The following NELL1 variants were observed in gnomAD, a reference collection of about 807,000 sequenced individuals.
The protein encoded by NELL1 is neural EGFL like 1, also known as protein kinase C-binding protein NELL1.
NELL1 carries 76 observed loss-of-function variants against 107.4 expected under a neutral mutation model. That is an observed-to-expected ratio of 0.71 (90% CI 0.59 to 0.86). The LOEUF is 0.86. Among genes scored for constraint, NELL1 ranks in the 40% least tolerant of loss-of-function variants. The pLI, the probability that NELL1 is intolerant of heterozygous loss-of-function variation, is 0.00. For synonymous variants in NELL1, 353 were observed against 341.2 expected, an observed-to-expected ratio of 1.03 and a Z score of -0.38; for missense variants, 1,024 against 1,005.5, an observed-to-expected ratio of 1.02 and a Z score of -0.25.
chr11:21,269,713 A>G (rs1417056933), intron 14 of NELL1, among the ~76,000 whole-genome samples: 3 of 152,288 alleles, frequency 2.0e-5, no homozygotes, highest in African/African-American at 4.8e-5. Context: ...GGAAAATCAT[A>G]TAGTTCAAAT....
intron 12 of NELL1, among the ~76,000 whole-genome samples, chr11:20,986,897 A>C (rs1228195280): frequency 2.0e-5 from 3 of 152,212 alleles, no homozygotes; most frequent in Non-Finnish European, 4.4e-5. Flanking sequence ...CTTCACTTAC[A>C]TAATATGTAA....
At chr11:21,097,676 G>A (rs911613505) in intron 12 of NELL1, among the ~76,000 whole-genome samples, 2 of 152,102 alleles carry the variant, frequency 1.3e-5, no homozygotes, top group African/African-American at 2.4e-5. Flanking sequence ...GCAACTAGGG[G>A]CAAGGAAGAA....
At chr11:21,221,158 C>A (rs1301309160) in intron 13 of NELL1, among the ~76,000 whole-genome samples, 1 of 152,092 alleles carries the variant, frequency 6.6e-6, no homozygotes, top group Admixed American at 6.5e-5. Flanking sequence ...GTTGATTGGA[C>A]AATGTTGTGA....
intron 12 of NELL1, among the ~76,000 whole-genome samples, chr11:21,024,679 T>C (rs1022629700): frequency 6.6e-6 from 1 of 152,098 alleles, no homozygotes; most frequent in Non-Finnish European, 1.5e-5. Flanking sequence ...TGAAACAAAA[T>C]AAACTTGTCT....
intron 16 of NELL1, among the ~76,000 whole-genome samples, chr11:21,540,573 G>T (rs1035758763): frequency 1.3e-5 from 2 of 152,028 alleles, no homozygotes; most frequent in African/African-American, 4.8e-5. Context: ...GCATGGCTGG[G>T]GAGGCCTCAG....
intron 12 of NELL1, among the ~76,000 whole-genome samples, chr11:21,101,220 T>G (rs1383121890): frequency 4.6e-5 from 7 of 152,212 alleles, no homozygotes; most frequent in Non-Finnish European, 1.0e-4. Context: ...TGCCACATTT[T>G]CTTAATCCAG....
chr11:20,867,838 C>T (rs532817857), intron 4 of NELL1, among the ~76,000 whole-genome samples: 2 of 152,216 alleles, frequency 1.3e-5, no homozygotes, highest in South Asian at 2.1e-4. Context: ...ATCAAATATT[C>T]GTTGGTTGCT....
intron 2 of NELL1, among the ~76,000 whole-genome samples, chr11:20,725,359 C>T (rs1038248539): frequency 1.3e-5 from 2 of 152,238 alleles, no homozygotes; most frequent in Admixed American, 6.5e-5. Flanking sequence ...ATCAGGGAAG[C>T]CCCAGAGATG....
intron 7 of NELL1, 80 bp from the exon 8 acceptor site, chr11:20,927,228 T>A: frequency 2.9e-6 from 4 of 1,368,418 alleles, no homozygotes; most frequent in Non-Finnish European, 4.0e-6. Context: ...TCAGAAGGAT[T>A]TTTTTTCTTG....
intron 15 of NELL1, among the ~76,000 whole-genome samples, chr11:21,419,206 C>T (rs550722472): frequency 6.2e-4 from 95 of 152,210 alleles, no homozygotes; most frequent in Middle Eastern, 3.4e-3. Context: ...AAGCATAAAA[C>T]AGTGGCATCA....
At chr11:21,422,950 CATT>C in intron 15 of NELL1, among the ~76,000 whole-genome samples, 1 of 152,084 alleles carries the variant, frequency 6.6e-6, no homozygotes, top group East Asian at 1.9e-4. Context: ...ACAAGAGACT[CATT>C]ATAGATCCAA....
chr11:21,343,379 C>T (rs986481624), intron 14 of NELL1, among the ~76,000 whole-genome samples: 2 of 152,144 alleles, frequency 1.3e-5, no homozygotes, highest in Admixed American at 1.3e-4. Context: ...CCTCTCTTTC[C>T]TTATCTTTCT....
intron 2 of NELL1, among the ~76,000 whole-genome samples, chr11:20,718,022 T>C (rs1855293619): frequency 6.6e-6 from 1 of 152,200 alleles, no homozygotes; most frequent in Non-Finnish European, 1.5e-5. Context: ...CTTGAGCTCA[T>C]GCAGTTAGTT....
At chr11:20,870,282 A>G (rs1849172021) in intron 4 of NELL1, among the ~76,000 whole-genome samples, 1 of 152,212 alleles carries the variant, frequency 6.6e-6, no homozygotes, top group African/African-American at 2.4e-5. Flanking sequence ...TTCTTTACCC[A>G]TTAGTTTTCT....
intron 14 of NELL1, among the ~76,000 whole-genome samples, chr11:21,339,637 G>A (rs999177658): frequency 5.3e-5 from 8 of 152,092 alleles, no homozygotes; most frequent in African/African-American, 1.9e-4. Flanking sequence ...AGGCAATCAG[G>A]GTCCGCTGGT....
chr11:21,238,765 A>T (rs996702620), intron 14 of NELL1, among the ~76,000 whole-genome samples: 3 of 152,096 alleles, frequency 2.0e-5, no homozygotes, highest in East Asian at 1.9e-4. Context: ...GTTGTTGCTG[A>T]TAGAGAATTC....
At chr11:21,292,588 T>C (rs550708394) in intron 14 of NELL1, among the ~76,000 whole-genome samples, 1 of 152,252 alleles carries the variant, frequency 6.6e-6, no homozygotes, top group East Asian at 1.9e-4. Flanking sequence ...AATTTAAATT[T>C]TATATGGAAC....
intron 12 of NELL1, among the ~76,000 whole-genome samples, chr11:21,075,255 T>C (rs529261451): frequency 2.0e-4 from 31 of 152,286 alleles, no homozygotes; most frequent in African/African-American, 6.5e-4. Flanking sequence ...AGACAATCTG[T>C]GTTGTGATCT....
At chr11:21,564,424 T>G (rs1856922875) in intron 17 of NELL1, among the ~76,000 whole-genome samples, 1 of 151,926 alleles carries the variant, frequency 6.6e-6, no homozygotes, top group South Asian at 2.1e-4. Context: ...CTGCCCATTT[T>G]CTCAGGTGAA....
Sources: gnomAD v4.1 joint callset for allele counts (sites outside exome capture counted in the v4.1 genomes callset) on GRCh38, gnomAD v4.1.1 for gene constraint, MANE v1.5 for transcripts, NCBI Gene and HGNC (gene_info 2026-07-23, HGNC 2026-07-21) for gene names.